The following GPC6 variants were observed in gnomAD, a reference collection of about 807,000 sequenced individuals.
GPC6 encodes glypican-6.
A neutral mutation model predicts 55.2 loss-of-function variants in GPC6; 14 were observed. That is an observed-to-expected ratio of 0.25 (90% confidence interval 0.17 to 0.40). The LOEUF (loss-of-function observed/expected upper bound fraction) is 0.40, where lower values mean the gene tolerates loss of function less well. Among genes scored for constraint, GPC6 ranks in the 10% least tolerant of loss-of-function variants. GPC6 has a pLI of 1.00. For missense variants in GPC6, 641 were observed against 708.5 expected, an observed-to-expected ratio of 0.90 and a Z score of 1.08; for synonymous variants, 278 against 259.6, an observed-to-expected ratio of 1.07 and a Z score of -0.68.
At chr13:93,439,114 T>A (rs1310930520) in intron 1 of GPC6, among the ~76,000 whole-genome samples, 4 of 152,212 alleles carry the variant, frequency 2.6e-5, no homozygotes, top group Non-Finnish European at 5.9e-5. Context: ...TTTAATGGAC[T>A]ACAGAATATT....
At chr13:93,884,266 C>T (rs1457027951) in intron 3 of GPC6, among the ~76,000 whole-genome samples, 1 of 152,012 alleles carries the variant, frequency 6.6e-6, no homozygotes, top group Non-Finnish European at 1.5e-5. Flanking sequence ...CTATCATGGC[C>T]GTTGTCTTAC....
intron 6 of GPC6, among the ~76,000 whole-genome samples, chr13:94,315,848 A>C (rs1439314121): frequency 2.0e-5 from 3 of 152,244 alleles, no homozygotes; most frequent in Non-Finnish European, 4.4e-5. Flanking sequence ...ACTTTAGGGC[A>C]AACTTGTCCA....
chr13:94,369,286 G>C (rs555648984), intron 6 of GPC6, among the ~76,000 whole-genome samples: 1 of 152,326 alleles, frequency 6.6e-6, no homozygotes, highest in Admixed American at 6.5e-5. Context: ...TTTGCGTCCA[G>C]AGATGATTGA....
chr13:94,145,562 A>G (rs1459320505), intron 4 of GPC6, among the ~76,000 whole-genome samples: 1 of 51,382 alleles, frequency 1.9e-5, no homozygotes, highest in Non-Finnish European at 6.6e-5. Context: ...GTTGAAAAAG[A>G]AAAAAAATGG....
At chr13:94,218,041 A>G (rs546838610) in intron 4 of GPC6, among the ~76,000 whole-genome samples, 9 of 152,278 alleles carry the variant, frequency 5.9e-5, no homozygotes, top group Non-Finnish European at 1.2e-4. Context: ...TAATGGTTCT[A>G]TATTGAATTT....
At chr13:94,238,989 C>A (rs1474245988) in intron 4 of GPC6, among the ~76,000 whole-genome samples, 1 of 152,078 alleles carries the variant, frequency 6.6e-6, no homozygotes, top group Non-Finnish European at 1.5e-5. Flanking sequence ...TATAGTTTAG[C>A]CTATGTTTGG....
intron 1 of GPC6, among the ~76,000 whole-genome samples, chr13:93,270,173 C>A (rs1466151087): frequency 6.6e-6 from 1 of 151,088 alleles, no homozygotes; most frequent in Non-Finnish European, 1.5e-5. Context: ...TTGCTTGAGG[C>A]CAGCAGTTCA....
intron 1 of GPC6, among the ~76,000 whole-genome samples, chr13:93,334,191 G>A (rs923075778): frequency 2.0e-5 from 3 of 151,942 alleles, no homozygotes; most frequent in Admixed American, 1.3e-4. Context: ...TCTTATATAT[G>A]CCTGTTTGTT....
chr13:93,830,781 A>G, intron 3 of GPC6: 1 of 518,028 alleles, frequency 1.9e-6, no homozygotes. Flanking sequence ...TAATGTTAAT[A>G]CTTATCAGCA....
At chr13:93,749,277 T>A (rs1347657967) in intron 2 of GPC6, among the ~76,000 whole-genome samples, 1 of 152,070 alleles carries the variant, frequency 6.6e-6, no homozygotes, top group Non-Finnish European at 1.5e-5. Context: ...TCCAACCTAC[T>A]TTTATCTTTG....
chr13:93,338,429 C>A (rs1181666492), intron 1 of GPC6, among the ~76,000 whole-genome samples: 1 of 152,172 alleles, frequency 6.6e-6, no homozygotes, highest in Non-Finnish European at 1.5e-5. Flanking sequence ...AGTGCCCTCG[C>A]TGAGTCTCCT....
chr13:93,653,980 T>C (rs915196228), intron 2 of GPC6, among the ~76,000 whole-genome samples: 1 of 152,212 alleles, frequency 6.6e-6, no homozygotes, highest in East Asian at 1.9e-4. Context: ...TTCCAATGTT[T>C]TATCACTTTC....
At chr13:93,632,258 A>G (rs948586019) in intron 2 of GPC6, among the ~76,000 whole-genome samples, 3 of 152,158 alleles carry the variant, frequency 2.0e-5, no homozygotes, top group Admixed American at 1.3e-4. Context: ...ATTGGTGCTG[A>G]CAGTGGGTAT....
rs1876031544 is a variant in GPC6, at chr13:93,400,480, AGGTGGGGAT to A, written c.161-144779_161-144771del. On this transcript the variant is annotated intron_variant, in intron 1 of 8. Transcript: ENST00000377047. ...GTAGTGGCGGGGACAGGGTGGGGGG[AGGTGGGGAT>A]GGTTAATGGATGCAAAAATAAAAAG... Among the ~76,000 whole-genome samples, 5 of 141,062 alleles carry A rather than the reference AGGTGGGGAT, an allele frequency of 3.5e-5. No homozygotes were observed. In the East Asian group the frequency reaches 1.0e-3, roughly 29 times the overall value. 92.5% of individuals were successfully genotyped at this position (141,062 alleles called of 152,430 possible). A position where few individuals can be genotyped will look rare whatever the true frequency, so the allele number is the denominator to read the frequency against.
Position 94,286,462 on chromosome 13 carries a change from A to T in GPC6, c.991A>T (p.Met331Leu), listed in dbSNP as rs78029763. The stretch of plus-strand genomic sequence containing the variant: ...CATTATGAACATGCAAGAAAACAGC[A>T]TGCAGGTGTCTGCAAAGGTATTTGC... ...EAIMNMQENS[M>L]QVSAKVFQGC... is the part of the protein sequence containing the mutation. Residue 331 changes from methionine (M) to leucine (L), a missense_variant, in exon 5 of 9, where the codon ATG becomes TTG. Physicochemically the swap from Met to Leu is conservative, Grantham distance 15 (BLOSUM62 2). Coordinates refer to ENST00000377047, the MANE Select transcript of GPC6 (RefSeq NM_005708.5). 2,027 of 1,613,676 alleles carry T rather than the reference A, an allele frequency of 1.3e-3. 25 individuals are homozygous for T. The African/African-American group carries it at 0.022, about 17-fold the overall frequency.
chr13:93,666,715 TCTCA>T (rs1351870445), intron 2 of GPC6, among the ~76,000 whole-genome samples: 2 of 152,172 alleles, frequency 1.3e-5, no homozygotes, highest in Non-Finnish European at 2.9e-5. Context: ...ACTAAATAAT[TCTCA>T]CTCACTAAAA....
intron 1 of GPC6, among the ~76,000 whole-genome samples, chr13:93,429,374 G>A (rs552124813): frequency 6.6e-6 from 1 of 152,222 alleles, no homozygotes; most frequent in East Asian, 1.9e-4. Context: ...CTCAAGTAAA[G>A]TGAAAACTTG....
chr13:93,723,152 T>TA (rs1883508153), intron 2 of GPC6, among the ~76,000 whole-genome samples: 1 of 151,998 alleles, frequency 6.6e-6, no homozygotes, highest in South Asian at 2.1e-4. Flanking sequence ...CTTTACTTTT[T>TA]AAAATCCCCT....
At chr13:94,251,721 A>G (rs1891354906) in intron 4 of GPC6, among the ~76,000 whole-genome samples, 1 of 144,056 alleles carries the variant, frequency 6.9e-6, no homozygotes, top group South Asian at 2.1e-4. Context: ...GGCAAAAAAA[A>G]AAACAAAAAC....
Sources: allele counts gnomAD v4.1 joint callset (sites outside exome capture counted in the v4.1 genomes callset), GRCh38; gene constraint gnomAD v4.1.1; transcripts MANE v1.5; gene names NCBI Gene and HGNC (gene_info 2026-07-23, HGNC 2026-07-21).